Variants in COQ8A observed in about 807,000 individuals in gnomAD.
The protein encoded by COQ8A is atypical kinase COQ8A, mitochondrial.
Under a neutral mutation model 65.0 loss-of-function variants are expected in COQ8A, and 51 were observed. The ratio of observed to expected loss-of-function variants is 0.78; its 90% CI spans 0.63 to 0.99. The LOEUF is 0.99. Ranked by LOEUF, COQ8A falls within the 50% of genes least tolerant of loss-of-function variation. The probability of loss-of-function intolerance (pLI) is 0.00; values close to 1 mark genes in which losing one functional copy is unlikely to be tolerated. For synonymous variants in COQ8A, 371 were observed against 353.2 expected, an observed-to-expected ratio of 1.05 and a Z score of -0.57; for missense variants, 940 against 875.0, an observed-to-expected ratio of 1.07 and a Z score of -0.94.
At chr1:226,985,132 G>C (rs962145048) in intron 13 of COQ8A, 122 bp from the exon 14 acceptor site, 2 of 1,284,024 alleles carry the variant, frequency 1.6e-6, no homozygotes, top group African/African-American at 2.9e-5. Flanking sequence ...AGCACTGGCC[G>C]GGGGCCCTGT....
chr1:226,977,595 A>T, intron 5 of COQ8A, 72 bp downstream of exon 5: 1 of 1,488,384 alleles, frequency 6.7e-7, no homozygotes, highest in Non-Finnish European at 9.1e-7. Context: ...CCCCAGCCCC[A>T]CCTGTGCTCT....
At chr1:226,943,995 C>G (rs1424874176) in intron 1 of COQ8A, among the ~76,000 whole-genome samples, 3 of 151,910 alleles carry the variant, frequency 2.0e-5, no homozygotes, top group Non-Finnish European at 2.9e-5. Context: ...CTCTGGCACC[C>G]CAGGAGCCAG....
intron 5 of COQ8A, among the ~76,000 whole-genome samples, chr1:226,978,144 T>C (rs1298910248): frequency 3.1e-5 from 4 of 130,150 alleles, no homozygotes; most frequent in East Asian, 2.5e-4. Flanking sequence ...CACCCACACA[T>C]CTTACCCTCC....
chr1:226,982,262 G>A, intron 6 of COQ8A, 113 bp downstream of exon 6: 9 of 1,438,664 alleles, frequency 6.3e-6, no homozygotes, highest in Non-Finnish European at 8.4e-6. Flanking sequence ...ATGTGAGCAG[G>A]CTGGGGAGAG....
In COQ8A at chr1:226,946,547, G is replaced by A. The variant is rs1657057412; in HGVS notation, c.-10+6148G>A. On this transcript the variant is annotated intron_variant, in intron 1 of 14. Transcript: ENST00000366777. This position sits in a 1 kb window ranked among gnomAD's most constrained non-coding sequence, Gnocchi z 5.3. Reference sequence around the variant, plus strand: ...GAGAGTGGAGATCAGCAAGGAGATGGCCACCTCTCCTGGGTCTGTGGTCCC... The same window carrying A: ...GAGAGTGGAGATCAGCAAGGAGATGACCACCTCTCCTGGGTCTGTGGTCCC... 6.6e-6 allele frequency among the ~76,000 whole-genome samples: 1 copy of A among 152,152 alleles called. No homozygotes were observed. The highest frequency in any genetic ancestry group is 1.5e-5 in the Non-Finnish European group (1 of 68,022).
At chr1:226,977,084 G>A (rs1659283640) in intron 4 of COQ8A, among the ~76,000 whole-genome samples, 1 of 152,154 alleles carries the variant, frequency 6.6e-6, no homozygotes, top group South Asian at 2.1e-4. Context: ...TCGGGGTGAC[G>A]TTGGTCTGTG....
intron 4 of COQ8A, among the ~76,000 whole-genome samples, chr1:226,971,974 T>C (rs991294478): frequency 6.6e-6 from 1 of 152,218 alleles, no homozygotes; most frequent in African/African-American, 2.4e-5. Flanking sequence ...ATTACACATA[T>C]GTTAGATCTT....
chr1:226,979,810 C>T (rs1243350459), intron 5 of COQ8A, among the ~76,000 whole-genome samples: 1 of 152,182 alleles, frequency 6.6e-6, no homozygotes, highest in Non-Finnish European at 1.5e-5. Context: ...GAGGGCTTAG[C>T]AAGGGTATTT....
In COQ8A at chr1:226,946,100, C is replaced by T. The variant is rs1443480209; in HGVS notation, c.-10+5701C>T. 1.3e-5 allele frequency among the ~76,000 whole-genome samples: 2 copies of T among 152,098 alleles called. No individual in the cohort carries two copies. Among genetic ancestry groups the T allele is most frequent in the East Asian group, 3.9e-4 (2 of 5,184 alleles). ...CACTGACTCATAATGCTAATAAACT[C>T]GTGTGTATGAGGACAGTGCCAGACC... On this transcript the variant is annotated intron_variant, in intron 1 of 14. Transcript: ENST00000366777. The surrounding 1 kb of genome is among the most constrained non-coding windows in gnomAD (Gnocchi z 5.3).
At chr1:226,954,763 C>T (rs1470665135) in intron 1 of COQ8A, among the ~76,000 whole-genome samples, 1 of 152,210 alleles carries the variant, frequency 6.6e-6, no homozygotes, top group Non-Finnish European at 1.5e-5. Context: ...GTGTTCGGTG[C>T]TGGAGAGAGG....
chr1:226,967,121 A>C (rs1024429173), intron 4 of COQ8A, among the ~76,000 whole-genome samples: 14 of 152,170 alleles, frequency 9.2e-5, no homozygotes, highest in Non-Finnish European at 1.5e-5. Context: ...CACCTCCCTG[A>C]GTTCTGCTGT....
chr1:226,970,670 A>T (rs1658849475), intron 4 of COQ8A, among the ~76,000 whole-genome samples: 2 of 152,170 alleles, frequency 1.3e-5, no homozygotes, highest in Admixed American at 1.3e-4. Flanking sequence ...TTACAATATA[A>T]AAATAAGTGA....
chr1:226,954,368 G>A (rs894687448), intron 1 of COQ8A, among the ~76,000 whole-genome samples: 4 of 152,254 alleles, frequency 2.6e-5, no homozygotes, highest in African/African-American at 9.6e-5. Context: ...ATAGGCATGG[G>A]CCACCTCTGC....
chr1:226,947,937 G>A (rs1323682452), intron 1 of COQ8A, among the ~76,000 whole-genome samples: 2 of 152,150 alleles, frequency 1.3e-5, no homozygotes, highest in African/African-American at 2.4e-5. Context: ...TTGGTGCCTC[G>A]CACTTGGTTG....
chr1:226,981,314 G>C (rs944601538), intron 5 of COQ8A, among the ~76,000 whole-genome samples: 1 of 152,210 alleles, frequency 6.6e-6, no homozygotes, highest in Non-Finnish European at 1.5e-5. Context: ...GCTGGCAGTT[G>C]ACTTAGCCGG....
intron 1 of COQ8A, among the ~76,000 whole-genome samples, chr1:226,945,747 C>A (rs776481163): frequency 2.0e-5 from 3 of 152,248 alleles, no homozygotes; most frequent in Non-Finnish European, 2.9e-5. Flanking sequence ...CAGCTGCCTG[C>A]TGGCTTCAGC....
At chr1:226,941,627 TA>T (rs1656698296) in intron 1 of COQ8A, among the ~76,000 whole-genome samples, 1 of 151,538 alleles carries the variant, frequency 6.6e-6, no homozygotes. Flanking sequence ...ATACGAAAAT[TA>T]GCCGGATGTG....
rs148855505 is a variant in COQ8A at position 226,981,802 on chromosome 1, G to A, written c.731-225G>A. ...TGCGTTTGTGTGTGCACATATGTACGTGTGCATGCCTGTGTGTATTGGGAG... is the reference window on the plus strand; with the variant it reads ...TGCGTTTGTGTGTGCACATATGTACATGTGCATGCCTGTGTGTATTGGGAG... On this transcript the variant is annotated intron_variant, in intron 5 of 14. Coordinates refer to ENST00000366777, the MANE Select transcript of COQ8A (RefSeq NM_020247.5). 4.6e-5 allele frequency among the ~76,000 whole-genome samples: 7 copies of A among 152,336 alleles called. No individual in the cohort carries two copies. The East Asian group carries it at 5.8e-4, about 13-fold the overall frequency.
chr1:226,971,549 A>G (rs899543216), intron 4 of COQ8A, among the ~76,000 whole-genome samples: 1 of 149,476 alleles, frequency 6.7e-6, no homozygotes, highest in Admixed American at 6.6e-5. Context: ...CATCTCAAAA[A>G]GAAAAAGAAA....
Sources: allele counts gnomAD v4.1 joint callset (sites outside exome capture counted in the v4.1 genomes callset), GRCh38; gene constraint gnomAD v4.1.1; non-coding constraint Gnocchi (gnomAD v3.1); transcripts MANE v1.5; gene names NCBI Gene and HGNC (gene_info 2026-07-23, HGNC 2026-07-21).